Variants in ACVR1 observed in about 807,000 individuals in gnomAD.
ACVR1 encodes the protein activin A receptor type 1.
Under a neutral mutation model 57.1 loss-of-function variants are expected in ACVR1, and 38 were observed. The ratio of observed to expected loss-of-function variants is 0.67; its 90% CI spans 0.51 to 0.87. The LOEUF (loss-of-function observed/expected upper bound fraction) is 0.87, where lower values mean the gene tolerates loss of function less well. Ranked by LOEUF, ACVR1 falls within the 40% of genes least tolerant of loss-of-function variation. The pLI, the probability that ACVR1 is intolerant of heterozygous loss-of-function variation, is 0.00. For synonymous variants in ACVR1, 212 were observed against 228.1 expected (o/e 0.93, Z 0.63); for missense variants, 463 against 638.2 (o/e 0.73, Z 2.96).
At chr2:157,848,147 C>T (rs192155159) in intron 1 of ACVR1, among the ~76,000 whole-genome samples, 15 of 152,244 alleles carry the variant, frequency 9.9e-5, no homozygotes, top group African/African-American at 3.4e-4. Context: ...TTAAAAATGG[C>T]CCCCAAATTC....
chr2:157,767,095 G>A (rs564285753), intron 7 of ACVR1, among the ~76,000 whole-genome samples: 4 of 152,058 alleles, frequency 2.6e-5, no homozygotes, highest in Admixed American at 6.6e-5. Flanking sequence ...GCAATGGCGC[G>A]ATCTCGGTTC....
chr2:157,853,553 AGAC>A (rs1191967997), intron 1 of ACVR1, among the ~76,000 whole-genome samples: 2 of 152,214 alleles, frequency 1.3e-5, no homozygotes, highest in African/African-American at 4.8e-5. Flanking sequence ...TCAGATGAAT[AGAC>A]ACCATTGAAA....
At chr2:157,827,762 A>T (rs564593351) in intron 1 of ACVR1, among the ~76,000 whole-genome samples, 2 of 152,270 alleles carry the variant, frequency 1.3e-5, no homozygotes, top group African/African-American at 4.8e-5. Context: ...GGGACTGAGC[A>T]GGGAGTCATC....
chr2:157,764,675 T>C (rs145858822), intron 8 of ACVR1, among the ~76,000 whole-genome samples: 9 of 152,194 alleles, frequency 5.9e-5, no homozygotes, highest in Admixed American at 3.3e-4. Flanking sequence ...AATAGATAAA[T>C]AGACTTGCAC....
chr2:157,766,743 A>G (rs1685876845), intron 7 of ACVR1, among the ~76,000 whole-genome samples: 1 of 152,234 alleles, frequency 6.6e-6, no homozygotes, highest in African/African-American at 2.4e-5. Context: ...AACCAACCAA[A>G]TATATGAGTA....
chr2:157,873,338 T>C (rs765485246), intron 1 of ACVR1, among the ~76,000 whole-genome samples: 1 of 152,166 alleles, frequency 6.6e-6, no homozygotes, highest in African/African-American at 2.4e-5. Flanking sequence ...TTTGTGGAAA[T>C]GTCATGAAAA....
At position 157,778,331 on chromosome 2, in the gene ACVR1, G is replaced by A; in HGVS notation, c.343C>T (p.Pro115Ser). 1 of 1,613,796 alleles carries A rather than the reference G, an allele frequency of 6.2e-7. No individual in the cohort carries two copies. The highest frequency in any genetic ancestry group is 8.5e-7 in the Non-Finnish European group (1 of 1,179,872). ...TCCAAGTGGAAATTCTGTGTTCCAG[G>A]GAAGGATTTTCCTGGAGTTGGAGGG... ...AQLPTKGKSF[P>S]GTQNFHLEVG... The change falls in exon 5 of 11, where the codon CCT becomes TCT. Residue 115 changes from proline (P) to serine (S), a missense_variant. Coordinates refer to ENST00000434821, the MANE Select transcript of ACVR1 (RefSeq NM_001111067.4).
intron 2 of ACVR1, among the ~76,000 whole-genome samples, chr2:157,813,021 C>T (rs1425724405): frequency 6.6e-6 from 1 of 152,066 alleles, no homozygotes; most frequent in Admixed American, 6.6e-5. Flanking sequence ...CTAATGAAGT[C>T]TATACATTTA....
intron 9 of ACVR1, among the ~76,000 whole-genome samples, chr2:157,749,386 A>C (rs536919956): frequency 2.0e-5 from 3 of 152,338 alleles, no homozygotes; most frequent in Admixed American, 1.3e-4. Flanking sequence ...ACAGATCAAC[A>C]TAGGCCATCT....
At position 157,741,940 on chromosome 2, in the gene ACVR1, C is replaced by T. The variant is rs144833742; in HGVS notation, c.1265-3370G>A. Among the ~76,000 whole-genome samples the T allele has an allele frequency of 2.6e-3, 394 of 152,180 alleles. 1 individual carries two copies. The highest frequency in any genetic ancestry group is 6.8e-3 in the Middle Eastern group (2 of 294). ...GAAAAGATGACAGGGAAGAGAAACC[C>T]CTACGGAGTGGGTGCATTCCAGGCA... is the stretch of plus-strand genomic sequence containing the variant. On this transcript the variant is annotated intron_variant, in intron 9 of 10. Coordinates refer to ENST00000434821, the MANE Select transcript of ACVR1 (RefSeq NM_001111067.4).
chr2:157,786,554 G>A (rs182599297), intron 3 of ACVR1, among the ~76,000 whole-genome samples: 1 of 152,282 alleles, frequency 6.6e-6, no homozygotes, highest in East Asian at 1.9e-4. Context: ...CATCACATCT[G>A]TTCACCTACT....
intron 1 of ACVR1, among the ~76,000 whole-genome samples, chr2:157,854,666 T>C (rs1574151008): frequency 6.8e-6 from 1 of 147,290 alleles, no homozygotes; most frequent in African/African-American, 2.5e-5. Context: ...GAGCTTGCAG[T>C]GAGCCGAGAT....
At chr2:157,816,376 C>G (rs866172194) in intron 2 of ACVR1, among the ~76,000 whole-genome samples, 38 of 150,310 alleles carry the variant, frequency 2.5e-4, no homozygotes, top group African/African-American at 9.3e-4. Context: ...TTGAGGCCAG[C>G]AGTTCAACAC....
chr2:157,865,821 AAGATAGATAGAT>A (rs57214423), intron 1 of ACVR1, among the ~76,000 whole-genome samples: 113 of 137,030 alleles, frequency 8.2e-4, no homozygotes, highest in South Asian at 4.1e-3. Context: ...AAAAAGAAAA[AAGATAGATAGAT>A]AGATAGATAG....
At chr2:157,782,917 T>A (rs1311223633) in intron 3 of ACVR1, among the ~76,000 whole-genome samples, 1 of 152,120 alleles carries the variant, frequency 6.6e-6, no homozygotes, top group Non-Finnish European at 1.5e-5. Flanking sequence ...TGACACTGGT[T>A]TGGGGATAAG....
chr2:157,743,832 T>C (rs189597959), intron 9 of ACVR1, among the ~76,000 whole-genome samples: 16 of 152,194 alleles, frequency 1.1e-4, no homozygotes, highest in African/African-American at 3.6e-4. Context: ...TTTGGGGACT[T>C]CTCAGTTGCA....
intron 1 of ACVR1, among the ~76,000 whole-genome samples, chr2:157,841,899 C>T (rs879265505): frequency 5.6e-4 from 85 of 151,416 alleles, no homozygotes; most frequent in Admixed American, 9.9e-4. Flanking sequence ...TTGTGGCAGG[C>T]GCCTGTAGGG....
chr2:157,800,909 C>T (rs902915661), intron 2 of ACVR1, among the ~76,000 whole-genome samples: 1 of 152,034 alleles, frequency 6.6e-6, no homozygotes, highest in African/African-American at 2.4e-5. Context: ...CCTCTCCAAC[C>T]CCATTGCCTC....
intron 1 of ACVR1, among the ~76,000 whole-genome samples, chr2:157,845,547 G>A (rs1689103531): frequency 6.6e-6 from 1 of 152,144 alleles, no homozygotes; most frequent in Non-Finnish European, 1.5e-5. Flanking sequence ...CCTGATTTCA[G>A]ACCTCAGGCC....
Sources: gnomAD v4.1 joint callset for allele counts (sites outside exome capture counted in the v4.1 genomes callset) on GRCh38, gnomAD v4.1.1 for gene constraint, MANE v1.5 for transcripts, NCBI Gene and HGNC (gene_info 2026-07-23, HGNC 2026-07-21) for gene names.